The following LTBR variants were observed in gnomAD, a reference collection of about 807,000 sequenced individuals.
The protein encoded by LTBR is tumor necrosis factor receptor superfamily member 3.
In LTBR, 15 loss-of-function variants were observed where a neutral mutation model predicts 45.4. The ratio of observed to expected loss-of-function variants is 0.33; its 90% CI spans 0.22 to 0.51. The LOEUF is 0.51. LTBR is among the 20% of genes least tolerant of loss of function. LTBR has a pLI of 0.97. For synonymous variants in LTBR, 228 were observed against 231.0 expected, an observed-to-expected ratio of 0.99 and a Z score of 0.12; for missense variants, 450 against 565.5, an observed-to-expected ratio of 0.80 and a Z score of 2.07.
rs758312426 is a variant in LTBR, at chr12:6,386,493, C to G, written c.667+49C>G. The G allele has an allele frequency of 1.4e-6, 2 of 1,392,922 alleles. No individual in the cohort carries two copies. Among genetic ancestry groups the G allele is most frequent in the South Asian group, 2.3e-5 (2 of 85,138 alleles). The allele number at this position is 1,392,922 out of a possible 1,614,324, so 86.3% of individuals were successfully genotyped here. A position where few individuals can be genotyped will look rare whatever the true frequency, so the allele number is the denominator to read the frequency against. ...ACGGGGGGGGCGCCTCTGAAAATGCCTTAATGCTCCACATCTTAAAAAAAA... is the reference window on the plus strand; with the variant it reads ...ACGGGGGGGGCGCCTCTGAAAATGCGTTAATGCTCCACATCTTAAAAAAAA... On this transcript the variant is annotated intron_variant, in intron 6 of 9. Transcript: ENST00000228918. This position sits in a 1 kb window ranked among gnomAD's most constrained non-coding sequence, Gnocchi z 4.1.
At chr12:6,382,493 A>C (rs1948994252), upstream of LTBR, among the ~76,000 whole-genome samples, 1 of 152,224 alleles carries the variant, frequency 6.6e-6, no homozygotes, top group South Asian at 2.1e-4. Context: ...CGCGTTTAAG[A>C]GCTCAGCAGG....
intron 2 of LTBR, 62 bp from the exon 3 acceptor site, chr12:6,384,960 G>A: frequency 6.2e-7 from 1 of 1,605,468 alleles, no homozygotes. Context: ...TCACACTACA[G>A]GCAGCGGAGG....
upstream of LTBR, among the ~76,000 whole-genome samples, chr12:6,381,551 C>T (rs1056364427): frequency 1.3e-5 from 2 of 152,222 alleles, no homozygotes; most frequent in East Asian, 3.8e-4. Context: ...GAAGCGCCAG[C>T]TTACGGCTGG....
Position 6,386,647 on chromosome 12 carries a change from A to T in LTBR, c.667+203A>T. The T allele has an allele frequency of 3.5e-6, 2 of 576,840 alleles. No homozygotes were observed. The highest frequency in any genetic ancestry group is 2.9e-5 in the East Asian group (1 of 34,870). The allele number at this position is 576,840 out of a possible 1,614,324, so 35.7% of individuals were successfully genotyped here. On this transcript the variant is annotated intron_variant, in intron 6 of 9. Coordinates refer to ENST00000228918, the MANE Select transcript of LTBR (RefSeq NM_002342.3). The surrounding 1 kb of genome is among the most constrained non-coding windows in gnomAD (Gnocchi z 4.1). Reference sequence around the variant, plus strand: ...CACACACACACACACTTTTAAAATTATATATACTGTAATACTATGTCAAGG... The same window carrying T: ...CACACACACACACACTTTTAAAATTTTATATACTGTAATACTATGTCAAGG...
Position 6,384,572 on chromosome 12 carries a change from C to G in LTBR, c.97-16C>G. 1 of 1,612,804 alleles carries G rather than the reference C, an allele frequency of 6.2e-7. No homozygotes were observed. Among genetic ancestry groups the G allele is most frequent in the Non-Finnish European group, 8.5e-7 (1 of 1,178,744 alleles). On this transcript the variant is annotated splice_polypyrimidine_tract_variant and intron_variant, in intron 1 of 9. Coordinates refer to ENST00000228918, the MANE Select transcript of LTBR (RefSeq NM_002342.3). ...CTGACTAATTCTTCTCTCCTCTTCT[C>G]CATCTCCCTTTGAAGGTGCCTCCAT...
intron 1 of LTBR, chr12:6,376,038 G>T: frequency 1.0e-6 from 1 of 994,554 alleles, no homozygotes; most frequent in Non-Finnish European, 1.2e-6. Flanking sequence ...AGGAGAGCAA[G>T]GGGGGAGTCC....
At chr12:6,378,863 C>T (rs1435731283) in intron 1 of LTBR, among the ~76,000 whole-genome samples, 1 of 152,132 alleles carries the variant, frequency 6.6e-6, no homozygotes, top group Admixed American at 6.5e-5. Flanking sequence ...TCCCGCCAAC[C>T]CAGGGCTGCC....
chr12:6,389,347 TAAAG>T (rs918045457), intron 8 of LTBR: 3 of 156,802 alleles, frequency 1.9e-5, no homozygotes, highest in African/African-American at 7.2e-5. Flanking sequence ...GTGTGGGAAC[TAAAG>T]AAAGATGAGC....
chr12:6,376,638 G>A (rs1948915303), intron 1 of LTBR, among the ~76,000 whole-genome samples: 1 of 152,246 alleles, frequency 6.6e-6, no homozygotes, highest in South Asian at 2.1e-4. Context: ...AAAAGGATAA[G>A]GAGTGGAGTG....
rs956191636 is a variant in LTBR at position 6,390,931 on chromosome 12, T to C, written c.1302T>C (p.His434=). 24 of 1,558,660 alleles carry C rather than the reference T, an allele frequency of 1.5e-5. No homozygotes were observed. The highest frequency in any genetic ancestry group is 2.1e-5 in the Non-Finnish European group (24 of 1,152,104). ...NRGPRNQFIT[H]D is the part of the protein sequence containing the mutation. ...GCCCAAGGAACCAATTTATCACCCA[T>C]GACTGACTGAGTCTGAGAAAAGGCA... The change falls in exon 10 of 10, where the codon CAT becomes CAC. Residue 434 remains histidine, a synonymous_variant. Transcript: ENST00000228918.
Position 6,386,765 on chromosome 12 carries a change from T to C in LTBR, c.667+321T>C, listed in dbSNP as rs1041479635. 2 of 273,944 alleles carry C rather than the reference T, an allele frequency of 7.3e-6. No individual in the cohort carries two copies. Among genetic ancestry groups the C allele is most frequent in the African/African-American group, 4.5e-5 (2 of 44,894 alleles). 17.0% of individuals were successfully genotyped at this position (273,944 alleles called of 1,614,324 possible). A position where few individuals can be genotyped will look rare whatever the true frequency, so the allele number is the denominator to read the frequency against. On this transcript the variant is annotated intron_variant, in intron 6 of 9. Coordinates refer to ENST00000228918, the MANE Select transcript of LTBR (RefSeq NM_002342.3). The surrounding 1 kb of genome is among the most constrained non-coding windows in gnomAD (Gnocchi z 4.1). ...CAATCCGTTTTTTTTTTTCACACAATCCATTAACTAGACCAAACACCTCTT... is the reference window on the plus strand; with the variant it reads ...CAATCCGTTTTTTTTTTTCACACAACCCATTAACTAGACCAAACACCTCTT...
chr12:6,383,982 C>A (rs1192525170), upstream of LTBR: 1 of 1,102,762 alleles, frequency 9.1e-7, no homozygotes, highest in Non-Finnish European at 1.1e-6. Flanking sequence ...CTCTCCCGAT[C>A]GGGCTTCCGA....
chr12:6,375,611 G>A (rs1276033967), intron 1 of LTBR: 1 of 973,758 alleles, frequency 1.0e-6, no homozygotes, highest in Non-Finnish European at 1.5e-6. Context: ...AGGGCGGGGG[G>A]AGGGGCTGAG....
At chr12:6,375,447 G>A in exon 1 of LTBR, 1 of 1,535,196 alleles carries the variant, frequency 6.5e-7, no homozygotes, top group Non-Finnish European at 8.7e-7. Flanking sequence ...GTTGCGGCTG[G>A]ACTGGGACTG....
chr12:6,381,081 A>G (rs114439553), upstream of LTBR, among the ~76,000 whole-genome samples: 548 of 152,274 alleles, frequency 3.6e-3, 6 homozygotes, highest in African/African-American at 0.012. Context: ...AAACACTCTA[A>G]GTCTTTCAAA....
intron 1 of LTBR, chr12:6,377,491 G>A (rs1248833324): frequency 3.0e-6 from 2 of 662,406 alleles, no homozygotes; most frequent in African/African-American, 1.8e-5. Flanking sequence ...AGGTGCACCT[G>A]GATGTGAAAG....
chr12:6,383,729 G>A (rs974567664), upstream of LTBR, among the ~76,000 whole-genome samples: 9 of 152,200 alleles, frequency 5.9e-5, no homozygotes, highest in African/African-American at 9.6e-5. Context: ...GACAACGGGG[G>A]AGGAACCCGG....
In LTBR at chr12:6,384,470, G is replaced by GA. The variant is rs1565493262; in HGVS notation, c.96+16_96+17insA. 5.1e-6 allele frequency: 8 copies of GA among 1,566,644 alleles called. No individual in the cohort carries two copies. Among genetic ancestry groups the GA allele is most frequent in the Non-Finnish European group, 6.9e-6 (8 of 1,156,756 alleles). ...GCCCCAGGCGGTGAGGAAGGGGCCT[G>GA]GTAGGAGTGGGCGAGGGTGGGCAAG... is the stretch of plus-strand genomic sequence containing the variant. On this transcript the variant is annotated intron_variant, in intron 1 of 9. Coordinates refer to ENST00000228918, the MANE Select transcript of LTBR (RefSeq NM_002342.3).
At chr12:6,385,187 G>A (rs1390255768) in intron 3 of LTBR, 40 bp downstream of exon 3, 36 of 1,614,142 alleles carry the variant, frequency 2.2e-5, no homozygotes, top group Non-Finnish European at 2.9e-5. Flanking sequence ...GGATCCCCTG[G>A]AGCTTGGCCC....
Sources: gnomAD v4.1 joint callset for allele counts (sites outside exome capture counted in the v4.1 genomes callset) on GRCh38, gnomAD v4.1.1 for gene constraint, Gnocchi (gnomAD v3.1) non-coding constraint, MANE v1.5 for transcripts, NCBI Gene and HGNC (gene_info 2026-07-23, HGNC 2026-07-21) for gene names.